The following ZNF462 variants were observed in gnomAD, a reference collection of about 807,000 sequenced individuals.
ZNF462 encodes zinc finger PBX1-interacting protein.
In ZNF462, 10 loss-of-function variants were observed where a neutral mutation model predicts 201.9. The ratio of observed to expected loss-of-function variants is 0.05; its 90% CI spans 0.03 to 0.08. The LOEUF (loss-of-function observed/expected upper bound fraction) is 0.08. ZNF462 is among the 10% of genes least tolerant of loss of function. The pLI is 1.00. For synonymous variants in ZNF462, 1,227 were observed against 1,193.3 expected (o/e 1.03, Z -0.58); for missense variants, 2,523 against 3,168.3 (o/e 0.80, Z 4.89).
chr9:107,003,350 G>A lies in ZNF462; in HGVS notation c.7113G>A (p.Met2371Ile). 14 of 1,613,940 alleles carry A rather than the reference G, an allele frequency of 8.7e-6. No homozygotes were observed. The highest frequency in any genetic ancestry group is 1.2e-5 in the Non-Finnish European group (14 of 1,179,872). ...TTAACTTGGATCAGCTGGAACAGAT[G>A]AAGGAGAAAATGGAGAGCTCCAGCA... ...GRVNLDQLEQ[M>I]KEKMESSSSD... Residue 2371 changes from methionine (M) to isoleucine (I), a missense_variant, in exon 11 of 13, where the codon ATG becomes ATA. Transcript: ENST00000277225. The surrounding 1 kb of genome is among the most constrained non-coding windows in gnomAD (Gnocchi z 4.4).
Position 107,006,316 on chromosome 9 carries a change from C to G in ZNF462, c.7189+2890C>G, listed in dbSNP as rs1285407668. On this transcript the variant is annotated intron_variant, in intron 11 of 12. Transcript: ENST00000277225. The surrounding 1 kb of genome is among the most constrained non-coding windows in gnomAD (Gnocchi z 4.3). Reference sequence around the variant, plus strand: ...TTTCACAAATGGGAAAATAAGGACCCAGGAAATTTAAGAGCATGTTCAAAG... The same window carrying G: ...TTTCACAAATGGGAAAATAAGGACCGAGGAAATTTAAGAGCATGTTCAAAG... Among the ~76,000 whole-genome samples the G allele has an allele frequency of 6.6e-6, 1 of 151,982 alleles. No individual in the cohort carries two copies. The highest frequency in any genetic ancestry group is 2.4e-5 in the African/African-American group (1 of 41,366).
chr9:106,926,916 G>A lies in ZNF462; in HGVS notation c.3004G>A (p.Ala1002Thr). Residue 1002 changes from alanine (A) to threonine (T), a missense_variant, in exon 3 of 13, where the codon GCT becomes ACT. Around this residue, in one of 15 missense-constraint regions of ZNF462, gnomAD observed 280 missense variants for 321.3 expected, o/e 0.87. Coordinates refer to ENST00000277225, the MANE Select transcript of ZNF462 (RefSeq NM_021224.6). This position sits in a 1 kb window ranked among gnomAD's most constrained non-coding sequence, Gnocchi z 7.9. The stretch of plus-strand genomic sequence containing the variant: ...TGTGGCTCGTGGTGGTGGTTTGCCA[G>A]CTACGTTCAACAAAAACACTCCTAA... Reference protein sequence around the residue: ...TPVARGGGLPATFNKNTPKTF... With the variant: ...TPVARGGGLPTTFNKNTPKTF... The A allele has an allele frequency of 1.2e-6, 2 of 1,614,146 alleles. No homozygotes were observed. The highest frequency in any genetic ancestry group is 1.7e-6 in the Non-Finnish European group (2 of 1,180,034).
chr9:106,899,827 T>C (rs1828979605), intron 1 of ZNF462, among the ~76,000 whole-genome samples: 1 of 152,146 alleles, frequency 6.6e-6, no homozygotes, highest in Non-Finnish European at 1.5e-5. Context: ...TTCTTTTTTT[T>C]TAATTTTAAT....
chr9:106,934,582 G>A (rs1051292276), intron 5 of ZNF462, among the ~76,000 whole-genome samples: 1 of 152,192 alleles, frequency 6.6e-6, no homozygotes, highest in Non-Finnish European at 1.5e-5. Flanking sequence ...AACAGGTTGA[G>A]TTAAAGAGAA....
chr9:106,937,154 C>T (rs1208908363), intron 6 of ZNF462, among the ~76,000 whole-genome samples: 2 of 152,104 alleles, frequency 1.3e-5, no homozygotes, highest in East Asian at 3.8e-4. Context: ...TTTGAATTCT[C>T]TCTCAGGTCG....
chr9:106,926,084 AGAG>A lies in ZNF462; in HGVS notation c.2175_2177del (p.Glu728del). The A allele has an allele frequency of 6.2e-7, 1 of 1,614,234 alleles. No homozygotes were observed. The highest frequency in any genetic ancestry group is 8.5e-7 in the Non-Finnish European group (1 of 1,180,050). On this transcript the variant is annotated inframe_deletion, in exon 3 of 13. Transcript: ENST00000277225. The surrounding 1 kb of genome is among the most constrained non-coding windows in gnomAD (Gnocchi z 7.9). ...CAGTGATCAATGTTGAGGATGATGA[AGAG>A]GAAGAGGAAGACAACGAAGTCGAGA... is the stretch of plus-strand genomic sequence containing the variant.
At chr9:106,971,887 G>C (rs1165551468) in intron 7 of ZNF462, 118 bp from the exon 8 acceptor site, 2 of 1,292,838 alleles carry the variant, frequency 1.5e-6, no homozygotes, top group Admixed American at 2.3e-5. Flanking sequence ...ATTTCCGTTT[G>C]TCAATTATAC....
rs1453412971 is a variant in ZNF462 at position 107,009,024 on chromosome 9, G to T, written c.7190-521G>T. Among the ~76,000 whole-genome samples the T allele has an allele frequency of 6.6e-6, 1 of 152,150 alleles. No individual in the cohort carries two copies. Among genetic ancestry groups the T allele is most frequent in the Non-Finnish European group, 1.5e-5 (1 of 68,030 alleles). On this transcript the variant is annotated intron_variant, in intron 11 of 12. Coordinates refer to ENST00000277225, the MANE Select transcript of ZNF462 (RefSeq NM_021224.6). The surrounding 1 kb of genome is among the most constrained non-coding windows in gnomAD (Gnocchi z 6.1). ...GGTATTGATTATAATGTCTATGATG[G>T]ATGACCACAAGTCATGAGCCTTCAG...
chr9:106,937,546 A>G (rs868105790), intron 6 of ZNF462, among the ~76,000 whole-genome samples: 8 of 152,200 alleles, frequency 5.3e-5, no homozygotes, highest in Admixed American at 3.3e-4. Context: ...TAATTTTAAA[A>G]ATACATGTTC....
chr9:106,866,183 A>T (rs1827322222), intron 1 of ZNF462, among the ~76,000 whole-genome samples: 1 of 152,218 alleles, frequency 6.6e-6, no homozygotes, highest in African/African-American at 2.4e-5. Flanking sequence ...AGAAATAAGG[A>T]ACACATTGGT....
intron 4 of ZNF462, among the ~76,000 whole-genome samples, chr9:106,931,845 G>C (rs1242426345): frequency 6.6e-6 from 1 of 152,162 alleles, no homozygotes; most frequent in East Asian, 1.9e-4. Context: ...ATGGCCCAAG[G>C]CTCCTCAATG....
chr9:106,932,317 G>A lies in ZNF462; in HGVS notation c.6013-129G>A, dbSNP rs1830456282. On this transcript the variant is annotated intron_variant, in intron 4 of 12. Coordinates refer to ENST00000277225, the MANE Select transcript of ZNF462 (RefSeq NM_021224.6). The surrounding 1 kb of genome is among the most constrained non-coding windows in gnomAD (Gnocchi z 6.8). Reference sequence around the variant, plus strand: ...CCTGGATGGATTGGAAGCAGCCAAAGACGCCAGTGGCGCCCTGGTGGGCCG... The same window carrying A: ...CCTGGATGGATTGGAAGCAGCCAAAAACGCCAGTGGCGCCCTGGTGGGCCG... 6.4e-7 allele frequency: 1 copy of A among 1,555,390 alleles called. No individual in the cohort carries two copies. The highest frequency in any genetic ancestry group is 2.4e-5 in the East Asian group (1 of 41,082).
At chr9:106,863,108 G>A (rs979266552), upstream of ZNF462, 1 of 397,660 alleles carries the variant, frequency 2.5e-6, no homozygotes, top group Non-Finnish European at 4.4e-6. Context: ...GAGAGGGAGG[G>A]AGGGAGAGAG....
rs985756578 is a variant in ZNF462 at position 106,933,446 on chromosome 9, T to A, written c.6116+897T>A. Among the ~76,000 whole-genome samples, 19 of 152,184 alleles carry A rather than the reference T, an allele frequency of 1.2e-4. No homozygotes were observed. The highest frequency in any genetic ancestry group is 4.6e-4 in the African/African-American group (19 of 41,450). On this transcript the variant is annotated intron_variant, in intron 5 of 12. Transcript: ENST00000277225. The surrounding 1 kb of genome is among the most constrained non-coding windows in gnomAD (Gnocchi z 4.3). ...TCAGATCCATACATTGGCATAAAAC[T>A]TGAAATACTTCAATTCAAGAAGTAT...
At chr9:106,877,371 GTTATTA>G (rs573063407) in intron 1 of ZNF462, among the ~76,000 whole-genome samples, 3 of 122,816 alleles carry the variant, frequency 2.4e-5, no homozygotes, top group Non-Finnish European at 4.9e-5. Flanking sequence ...GAATGTTGTT[GTTATTA>G]TTATTATTAT....
Position 106,901,962 on chromosome 9 carries a change from G to A in ZNF462, c.-30-21392G>A, listed in dbSNP as rs116733171. Among the ~76,000 whole-genome samples the A allele has an allele frequency of 1.8e-3, 269 of 152,196 alleles. 2 individuals are homozygous for A. Among genetic ancestry groups the A allele is most frequent in the African/African-American group, 6.1e-3 (253 of 41,502 alleles). On this transcript the variant is annotated intron_variant, in intron 1 of 12. Coordinates refer to ENST00000277225, the MANE Select transcript of ZNF462 (RefSeq NM_021224.6). ...CTAGAACTTTCAACACTGTGTTGAA[G>A]TGGAGTGGTGAGAGTGGACATCCTT...
At chr9:106,863,705 T>C (rs183049478) in intron 1 of ZNF462, among the ~76,000 whole-genome samples, 1 of 151,504 alleles carries the variant, frequency 6.6e-6, no homozygotes, top group African/African-American at 2.4e-5. Flanking sequence ...GTGAGCGCGG[T>C]GGCTTAATTA....
At chr9:106,912,239 A>G (rs1829581601) in intron 1 of ZNF462, among the ~76,000 whole-genome samples, 1 of 142,176 alleles carries the variant, frequency 7.0e-6, no homozygotes. Flanking sequence ...ACTACATAAC[A>G]TTGTTCCGAC....
At chr9:106,863,844 G>A (rs774407196) in intron 1 of ZNF462, among the ~76,000 whole-genome samples, 1 of 151,792 alleles carries the variant, frequency 6.6e-6, no homozygotes, top group Non-Finnish European at 1.5e-5. Flanking sequence ...CGGGAGGCCG[G>A]AGACCTGAGC....
Sources: allele counts gnomAD v4.1 joint callset (sites outside exome capture counted in the v4.1 genomes callset), GRCh38; gene constraint gnomAD v4.1.1; regional missense constraint gnomAD v4.1.1; non-coding constraint Gnocchi (gnomAD v3.1); transcripts MANE v1.5; gene names NCBI Gene and HGNC (gene_info 2026-07-23, HGNC 2026-07-21).